Variants in AKT3 observed in about 807,000 individuals in gnomAD.
The protein encoded by AKT3 is RAC-gamma serine/threonine-protein kinase.
In AKT3, 15 loss-of-function variants were observed where a neutral mutation model predicts 65.3. The ratio of observed to expected loss-of-function variants is 0.23; its 90% CI spans 0.15 to 0.35. The LOEUF (loss-of-function observed/expected upper bound fraction) is 0.35. Among genes scored for constraint, AKT3 ranks in the 10% least tolerant of loss-of-function variants. The pLI is 1.00. For missense variants in AKT3, 243 were observed against 576.5 expected (o/e 0.42, Z 5.92); for synonymous variants, 206 against 183.8 (o/e 1.12, Z -0.98).
At chr1:243,631,418 A>G (rs1350201020) in intron 6 of AKT3, among the ~76,000 whole-genome samples, 3 of 152,132 alleles carry the variant, frequency 2.0e-5, no homozygotes, top group African/African-American at 7.2e-5. Context: ...CCTCCCAAGT[A>G]GCTGGGATTA....
chr1:243,692,963 G>A (rs1684795204), intron 3 of AKT3, among the ~76,000 whole-genome samples: 2 of 151,750 alleles, frequency 1.3e-5, no homozygotes, highest in African/African-American at 2.4e-5. Context: ...AATCAAGTGA[G>A]TAAGGGAGGA....
chr1:243,761,953 C>T lies in AKT3; in HGVS notation c.47-66237G>A, dbSNP rs1689520333. ...CACTGTCACTAATCCAAACTGAGTA[C>T]CTCATAAGAAATTGGGATGCTAGGA... is the stretch of plus-strand genomic sequence containing the variant. On this transcript the variant is annotated intron_variant, in intron 2 of 13. Coordinates refer to ENST00000673466, the MANE Select transcript of AKT3 (RefSeq NM_005465.7). 2.6e-5 allele frequency among the ~76,000 whole-genome samples: 4 copies of T among 152,040 alleles called. No individual in the cohort carries two copies. The South Asian group carries it at 8.3e-4, about 32-fold the overall frequency.
chr1:243,839,596 T>G (rs575993386), intron 2 of AKT3, among the ~76,000 whole-genome samples: 1 of 152,246 alleles, frequency 6.6e-6, no homozygotes, highest in East Asian at 1.9e-4. Context: ...TATTAATATA[T>G]CACTAATAAC....
At chr1:243,573,426 T>C (rs1246580959) in intron 8 of AKT3, among the ~76,000 whole-genome samples, 1 of 152,200 alleles carries the variant, frequency 6.6e-6, no homozygotes, top group Non-Finnish European at 1.5e-5. Context: ...CAAGCACAGA[T>C]ATATTTTCAC....
chr1:243,529,932 C>T (rs550330945), intron 12 of AKT3, among the ~76,000 whole-genome samples: 1 of 152,260 alleles, frequency 6.6e-6, no homozygotes, highest in African/African-American at 2.4e-5. Context: ...CAACCATGAG[C>T]ATGGAATGTT....
intron 12 of AKT3, among the ~76,000 whole-genome samples, chr1:243,537,576 T>C (rs966260324): frequency 6.6e-6 from 1 of 152,194 alleles, no homozygotes; most frequent in Admixed American, 6.6e-5. Context: ...TAACACTGTA[T>C]TACTGCAGTA....
At chr1:243,835,722 T>A (rs1694852733) in intron 2 of AKT3, among the ~76,000 whole-genome samples, 3 of 152,130 alleles carry the variant, frequency 2.0e-5, no homozygotes, top group Non-Finnish European at 4.4e-5. Flanking sequence ...GATTGCCCTA[T>A]AGGAGAATTA....
At position 243,500,162 on chromosome 1, in the gene AKT3, C is replaced by A. The variant is rs1669124053; in HGVS notation, c.*5087G>T. On this transcript the variant is annotated 3_prime_UTR_variant, in exon 14 of 14. Coordinates refer to ENST00000673466, the MANE Select transcript of AKT3 (RefSeq NM_005465.7). ...CACACCAAAAAGGCACATATTTTAA[C>A]TAGGCCAAAGTATATTAAGGACCAA... 6.8e-6 allele frequency: 2 copies of A among 293,898 alleles called. No homozygotes were observed. The highest frequency in any genetic ancestry group is 9.9e-4 in the Middle Eastern group (1 of 1,010). The allele number at this position is 293,898 out of a possible 1,614,324, so 18.2% of individuals were successfully genotyped here. A position where few individuals can be genotyped will look rare whatever the true frequency, so the allele number is the denominator to read the frequency against.
Position 243,645,968 on chromosome 1 carries a change from A to G in AKT3, c.354T>C (p.Asn118=), listed in dbSNP as rs1160939268. 6.2e-6 allele frequency: 10 copies of G among 1,612,748 alleles called. No individual in the cohort carries two copies. The highest frequency in any genetic ancestry group is 2.2e-5 in the East Asian group (1 of 44,868). ...TATCAATTTGTGAAGTTGGACTACA[A>G]TTCATTCTCTCCTCTTCTTGCCTCT... ...RLQRQEEERM[N]CSPTSQIDNI... is the part of the protein sequence containing the mutation. Residue 118 remains asparagine, a synonymous_variant, in exon 5 of 14, where the codon AAT becomes AAC. Coordinates refer to ENST00000673466, the MANE Select transcript of AKT3 (RefSeq NM_005465.7).
intron 6 of AKT3, among the ~76,000 whole-genome samples, chr1:243,619,488 T>G (rs564888627): frequency 2.0e-5 from 2 of 101,606 alleles, no homozygotes; most frequent in East Asian, 5.2e-4. Flanking sequence ...ATTAATCAAC[T>G]CCATCTCCCC....
chr1:243,809,625 A>G (rs1162373186), intron 2 of AKT3, among the ~76,000 whole-genome samples: 2 of 152,076 alleles, frequency 1.3e-5, no homozygotes, highest in African/African-American at 2.4e-5. Flanking sequence ...ACAGATCAAC[A>G]AGACAGAAAG....
At chr1:243,611,120 T>C (rs1448478192) in intron 8 of AKT3, among the ~76,000 whole-genome samples, 1 of 152,196 alleles carries the variant, frequency 6.6e-6, no homozygotes, top group African/African-American at 2.4e-5. Flanking sequence ...ATCAATTTCA[T>C]TTCCACCCCC....
At chr1:243,654,873 CTA>C (rs941420371) in intron 4 of AKT3, among the ~76,000 whole-genome samples, 1 of 152,090 alleles carries the variant, frequency 6.6e-6, no homozygotes, top group African/African-American at 2.4e-5. Flanking sequence ...GATTTTCCCA[CTA>C]TCTTTGTTTT....
intron 2 of AKT3, among the ~76,000 whole-genome samples, chr1:243,742,635 T>C (rs749075018): frequency 2.0e-5 from 3 of 152,102 alleles, no homozygotes; most frequent in Non-Finnish European, 4.4e-5. Flanking sequence ...AATAAATAAA[T>C]AAAACTCTGA....
At chr1:243,629,989 T>C (rs552491392) in intron 6 of AKT3, among the ~76,000 whole-genome samples, 3 of 152,224 alleles carry the variant, frequency 2.0e-5, no homozygotes, top group East Asian at 1.9e-4. Flanking sequence ...CTCCCATATA[T>C]AGTTGGCAAA....
At chr1:243,639,357 G>A (rs899376893) in intron 5 of AKT3, among the ~76,000 whole-genome samples, 1 of 152,044 alleles carries the variant, frequency 6.6e-6, no homozygotes, top group Admixed American at 6.6e-5. Context: ...TTAAAATGAG[G>A]AATACTTCTC....
At chr1:243,664,076 G>A (rs1175628773) in intron 4 of AKT3, among the ~76,000 whole-genome samples, 1 of 150,406 alleles carries the variant, frequency 6.6e-6, no homozygotes, top group Non-Finnish European at 1.5e-5. Context: ...AACTAATTTA[G>A]AATGGCATGT....
At chr1:243,542,673 T>C (rs952968269) in intron 12 of AKT3, among the ~76,000 whole-genome samples, 32 of 152,362 alleles carry the variant, frequency 2.1e-4, no homozygotes, top group African/African-American at 7.0e-4. Context: ...TTTTATAAAT[T>C]ATTTAGTAAT....
intron 3 of AKT3, among the ~76,000 whole-genome samples, chr1:243,679,962 T>C (rs1290538053): frequency 1.3e-5 from 2 of 152,168 alleles, no homozygotes; most frequent in Non-Finnish European, 1.5e-5. Flanking sequence ...AAACAATGCA[T>C]ATGAAATAGT....
Sources: allele counts gnomAD v4.1 joint callset (sites outside exome capture counted in the v4.1 genomes callset), GRCh38; gene constraint gnomAD v4.1.1; transcripts MANE v1.5; gene names NCBI Gene and HGNC (gene_info 2026-07-23, HGNC 2026-07-21).